CSGALNACT1: variants seen among roughly 807,000 people sequenced by gnomAD.
The protein encoded by CSGALNACT1 is beta4GalNAcT-1.
Under a neutral mutation model 51.0 loss-of-function variants are expected in CSGALNACT1, and 52 were observed. The ratio of observed to expected loss-of-function variants is 1.02; its 90% CI spans 0.82 to 1.29. The LOEUF is 1.29. Among genes scored for constraint, CSGALNACT1 ranks in the 50% most tolerant of loss-of-function variants. The pLI is 0.00. For missense variants in CSGALNACT1, 935 were observed against 679.2 expected (o/e 1.38, Z -4.19); for synonymous variants, 341 against 254.4 (o/e 1.34, Z -3.24).
intron 4 of CSGALNACT1, among the ~76,000 whole-genome samples, chr8:19,487,142 G>A (rs2073145423): frequency 6.6e-6 from 1 of 152,114 alleles, no homozygotes; most frequent in African/African-American, 2.4e-5. Context: ...ACTCTAAAGA[G>A]CTTAAATTTT....
rs191455273 is a variant in CSGALNACT1 at position 19,464,890 on chromosome 8, C to A, written c.635-6248G>T. On this transcript the variant is annotated intron_variant, in intron 4 of 9. Transcript: ENST00000454498. The stretch of plus-strand genomic sequence containing the variant: ...AAACTGGAATCCTGTGCACTACCGG[C>A]GGGAAGCAACATGGTGCAGCCACTG... 3.6e-3 allele frequency among the ~76,000 whole-genome samples: 543 copies of A among 152,254 alleles called. 2 individuals are homozygous for A. The highest frequency in any genetic ancestry group is 5.7e-3 in the Non-Finnish European group (389 of 68,014).
intron 1 of CSGALNACT1, among the ~76,000 whole-genome samples, chr8:19,743,958 T>A (rs149112550): frequency 6.6e-6 from 1 of 151,428 alleles, no homozygotes; most frequent in Non-Finnish European, 1.5e-5. Flanking sequence ...GGCACTCTAA[T>A]AAGAAAGGAA....
chr8:19,588,307 C>T (rs1368005331), intron 3 of CSGALNACT1, among the ~76,000 whole-genome samples: 1 of 152,134 alleles, frequency 6.6e-6, no homozygotes, highest in African/African-American at 2.4e-5. Context: ...ATTCAATTGG[C>T]AATGACAAAG....
chr8:19,602,118 G>C, exon 1 of CSGALNACT1: 1 of 173,840 alleles, frequency 5.8e-6, no homozygotes, highest in South Asian at 1.1e-4. Flanking sequence ...AAATGAAGCT[G>C]AACATTTTCA....
At chr8:19,621,757 G>T (rs1409343291) in intron 1 of CSGALNACT1, among the ~76,000 whole-genome samples, 3 of 152,020 alleles carry the variant, frequency 2.0e-5, no homozygotes, top group South Asian at 2.1e-4. Context: ...CCCCAGCCTG[G>T]GCAACAGAAC....
intron 3 of CSGALNACT1, among the ~76,000 whole-genome samples, chr8:19,585,638 C>T (rs2046456906): frequency 1.3e-5 from 2 of 152,168 alleles, no homozygotes; most frequent in African/African-American, 4.8e-5. Flanking sequence ...ACCCATTAAT[C>T]TTACTGTGCC....
intron 3 of CSGALNACT1, among the ~76,000 whole-genome samples, chr8:19,566,015 C>T (rs140311729): frequency 2.6e-4 from 40 of 152,298 alleles, no homozygotes; most frequent in African/African-American, 8.7e-4. Flanking sequence ...ACAGCTTCCA[C>T]GTTGTAAATA....
intron 1 of CSGALNACT1, among the ~76,000 whole-genome samples, chr8:19,713,263 A>T (rs931850256): frequency 6.6e-6 from 1 of 152,142 alleles, no homozygotes; most frequent in East Asian, 1.9e-4. Flanking sequence ...AAAAGATATA[A>T]CTTGTTTGAA....
At chr8:19,636,629 T>C (rs1266937394) in intron 1 of CSGALNACT1, among the ~76,000 whole-genome samples, 1 of 152,194 alleles carries the variant, frequency 6.6e-6, no homozygotes, top group East Asian at 1.9e-4. Flanking sequence ...CCAAAATCGA[T>C]GTTCACACCA....
At chr8:19,446,670 T>C (rs2062174632) in intron 5 of CSGALNACT1, among the ~76,000 whole-genome samples, 1 of 152,158 alleles carries the variant, frequency 6.6e-6, no homozygotes, top group South Asian at 2.1e-4. Context: ...TGTGCCATCA[T>C]GCCCAGCTAA....
Position 19,654,420 on chromosome 8 carries a change from A to C in CSGALNACT1, c.-544+28053T>G, listed in dbSNP as rs796990416. Among the ~76,000 whole-genome samples, 8 of 152,358 alleles carry C rather than the reference A, an allele frequency of 5.3e-5. 1 individual carries two copies. Among genetic ancestry groups the C allele is most frequent in the African/African-American group, 1.9e-4 (8 of 41,586 alleles). On this transcript the variant is annotated intron_variant, in intron 1 of 9. Transcript: ENST00000332246. Reference sequence around the variant, plus strand: ...CTGGAAAGAGAAAAGCTTTCGAATCAGGTGAACTTAAATCCAGATCACAGC... The same window carrying C: ...CTGGAAAGAGAAAAGCTTTCGAATCCGGTGAACTTAAATCCAGATCACAGC...
rs28872331 is a variant in CSGALNACT1, at chr8:19,440,969, T to G, written c.852-1038A>C. 6.9e-3 allele frequency among the ~76,000 whole-genome samples: 1,058 copies of G among 152,286 alleles called. 13 individuals are homozygous for G. Among genetic ancestry groups the G allele is most frequent in the African/African-American group, 0.024 (993 of 41,568 alleles). On this transcript the variant is annotated intron_variant, in intron 5 of 9. Coordinates refer to ENST00000454498, the Ensembl canonical transcript of CSGALNACT1. ...ATCATGAGTGAACTCCCAGTCACAA[T>G]TGCTTCAAAGAGAATAAAATACCTA...
chr8:19,680,121 A>C (rs1564413605), intron 1 of CSGALNACT1, among the ~76,000 whole-genome samples: 1 of 152,166 alleles, frequency 6.6e-6, no homozygotes, highest in Non-Finnish European at 1.5e-5. Flanking sequence ...CAACCTCCAA[A>C]AGCCTATTTC....
chr8:19,624,701 C>T (rs1359316155), intron 1 of CSGALNACT1, among the ~76,000 whole-genome samples: 2 of 150,868 alleles, frequency 1.3e-5, no homozygotes, highest in Non-Finnish European at 2.9e-5. Flanking sequence ...TTTCTTGAGA[C>T]AGAGTCTCGC....
At chr8:19,479,062 T>C (rs1438485697) in intron 4 of CSGALNACT1, among the ~76,000 whole-genome samples, 2 of 152,212 alleles carry the variant, frequency 1.3e-5, no homozygotes, top group African/African-American at 2.4e-5. Context: ...AAAGGTTACA[T>C]GGTCTTATTA....
chr8:19,421,886 C>A (rs1029356322), intron 6 of CSGALNACT1, among the ~76,000 whole-genome samples: 18 of 152,004 alleles, frequency 1.2e-4, no homozygotes, highest in African/African-American at 3.6e-4. Flanking sequence ...GGTTAGGAGG[C>A]CTCATGATGG....
intron 6 of CSGALNACT1, among the ~76,000 whole-genome samples, chr8:19,425,030 T>C (rs1281182372): frequency 6.6e-6 from 1 of 152,180 alleles, no homozygotes; most frequent in Non-Finnish European, 1.5e-5. Context: ...AGAATTAAGC[T>C]TGAGAACTGA....
intron 3 of CSGALNACT1, among the ~76,000 whole-genome samples, chr8:19,547,527 G>A (rs192459222): frequency 6.6e-6 from 1 of 152,174 alleles, no homozygotes; most frequent in East Asian, 1.9e-4. Flanking sequence ...CCTTCGCTTG[G>A]CTCTCGTTTC....
intron 1 of CSGALNACT1, among the ~76,000 whole-genome samples, chr8:19,718,941 C>T (rs2062962460): frequency 6.6e-6 from 1 of 152,202 alleles, no homozygotes; most frequent in Non-Finnish European, 1.5e-5. Flanking sequence ...AACATACGCC[C>T]TGCAAGATCT....
Sources: gnomAD v4.1 joint callset for allele counts (sites outside exome capture counted in the v4.1 genomes callset) on GRCh38, gnomAD v4.1.1 for gene constraint, MANE v1.5 for transcripts, NCBI Gene and HGNC (gene_info 2026-07-23, HGNC 2026-07-21) for gene names.